The following ENAH variants were observed in gnomAD, a reference collection of about 807,000 sequenced individuals.
The protein encoded by ENAH is ENAH actin regulator.
Under a neutral mutation model 78.7 loss-of-function variants are expected in ENAH, and 23 were observed. That is an observed-to-expected ratio of 0.29 (90% CI 0.21 to 0.41). The LOEUF (loss-of-function observed/expected upper bound fraction) is 0.41, where lower values mean the gene tolerates loss of function less well. ENAH is among the 10% of genes least tolerant of loss of function. The pLI, the probability that ENAH is intolerant of heterozygous loss-of-function variation, is 1.00. For missense variants in ENAH, 544 were observed against 691.0 expected, an observed-to-expected ratio of 0.79 and a Z score of 2.39; for synonymous variants, 226 against 241.0, an observed-to-expected ratio of 0.94 and a Z score of 0.58.
At chr1:225,508,101 A>C in intron 10 of ENAH, 84 bp from the exon 11 acceptor site, 174 of 806,802 alleles carry the variant, frequency 2.2e-4, no homozygotes, top group Non-Finnish European at 2.9e-4. Flanking sequence ...ACTAAATCTC[A>C]TTATACCTGT....
rs368585167 is a variant in ENAH at position 225,594,039 on chromosome 1, A to G, written c.6-26625T>C. 4.6e-5 allele frequency among the ~76,000 whole-genome samples: 7 copies of G among 152,294 alleles called. No homozygotes were observed. In the East Asian group the frequency reaches 1.4e-3, roughly 29 times the overall value. On this transcript the variant is annotated intron_variant, in intron 1 of 13. Transcript: ENST00000366843. ...AAAAATTCCCTTTTCAATCTGCCTT[A>G]GGAAGAAGGTGAAACGAGTGTGCCT...
chr1:225,498,969 A>C (rs1450576566), intron 12 of ENAH, among the ~76,000 whole-genome samples: 1 of 152,294 alleles, frequency 6.6e-6, no homozygotes, highest in African/African-American at 2.4e-5. Flanking sequence ...ATGCTGTCCA[A>C]TACGGCAGGC....
chr1:225,494,055 A>T lies in ENAH; in HGVS notation c.*3720T>A, dbSNP rs2096236665. On this transcript the variant is annotated 3_prime_UTR_variant, in exon 14 of 14. Coordinates refer to ENST00000366843, the MANE Select transcript of ENAH (RefSeq NM_018212.6). Reference sequence around the variant, plus strand: ...ATGAAGAGAAGCAAGAACATGAGACAGGCTAGAGCAAAAAAAAAAAAAAAA... The same window carrying T: ...ATGAAGAGAAGCAAGAACATGAGACTGGCTAGAGCAAAAAAAAAAAAAAAA... 1 of 118,552 alleles carries T rather than the reference A, an allele frequency of 8.4e-6. No homozygotes were observed. The highest frequency in any genetic ancestry group is 3.6e-4 in the South Asian group (1 of 2,814). 7.3% of individuals were successfully genotyped at this position (118,552 alleles called of 1,614,324 possible).
intron 1 of ENAH, among the ~76,000 whole-genome samples, chr1:225,615,772 GC>G (rs2097026734): frequency 6.8e-6 from 1 of 147,020 alleles, no homozygotes; most frequent in African/African-American, 2.5e-5. Flanking sequence ...CTGCCCGGCC[GC>G]CCCGTCTGAG....
chr1:225,577,476 G>C lies in ENAH; in HGVS notation c.6-10062C>G, dbSNP rs192359429. Among the ~76,000 whole-genome samples, 22 of 152,336 alleles carry C rather than the reference G, an allele frequency of 1.4e-4. 1 individual carries two copies. The East Asian group carries it at 4.2e-3, about 29-fold the overall frequency. ...TTCTGCAAGGCAAGAAAACCATCTG[G>C]AATGCAGCAGCACCAAATATGCAGA... On this transcript the variant is annotated intron_variant, in intron 1 of 13. Transcript: ENST00000366843.
chr1:225,552,958 G>T (rs2096648460), intron 3 of ENAH, among the ~76,000 whole-genome samples: 1 of 152,198 alleles, frequency 6.6e-6, no homozygotes. Context: ...AAAAGGCTGT[G>T]CACGGTGGCT....
At chr1:225,623,539 C>T (rs1435002754) in intron 1 of ENAH, among the ~76,000 whole-genome samples, 2 of 151,710 alleles carry the variant, frequency 1.3e-5, no homozygotes, top group African/African-American at 4.8e-5. Context: ...GGCTTCCTGC[C>T]CCCCAAGTTG....
intron 1 of ENAH, among the ~76,000 whole-genome samples, chr1:225,615,786 G>GT (rs1471257047): frequency 2.6e-5 from 4 of 152,000 alleles, no homozygotes; most frequent in Non-Finnish European, 5.9e-5. Context: ...CGTCTGAGAA[G>GT]TGAGGAGCCC....
chr1:225,508,859 C>T (rs1424739584), intron 10 of ENAH, among the ~76,000 whole-genome samples: 1 of 152,218 alleles, frequency 6.6e-6, no homozygotes, highest in Non-Finnish European at 1.5e-5. Flanking sequence ...ACTAAAACTG[C>T]TCTGAGTTCC....
chr1:225,553,836 G>A (rs912007830), intron 3 of ENAH, among the ~76,000 whole-genome samples: 4 of 152,162 alleles, frequency 2.6e-5, no homozygotes, highest in African/African-American at 9.7e-5. Context: ...TATAAGTTAT[G>A]TATTGATATT....
At chr1:225,576,055 G>GT (rs2096786169) in intron 1 of ENAH, among the ~76,000 whole-genome samples, 1 of 152,036 alleles carries the variant, frequency 6.6e-6, no homozygotes, top group South Asian at 2.1e-4. Context: ...GCTCCCAGAG[G>GT]TTGAGAATCA....
At chr1:225,629,141 G>A (rs1043158901) in intron 1 of ENAH, among the ~76,000 whole-genome samples, 2 of 151,654 alleles carry the variant, frequency 1.3e-5, no homozygotes, top group Admixed American at 6.6e-5. Flanking sequence ...AGATGGGCGT[G>A]GTGGACAGTG....
At chr1:225,555,982 A>C (rs925073964) in intron 2 of ENAH, among the ~76,000 whole-genome samples, 2 of 152,208 alleles carry the variant, frequency 1.3e-5, no homozygotes, top group Non-Finnish European at 1.5e-5. Flanking sequence ...TACAACATGT[A>C]TTAAACGTAT....
intron 1 of ENAH, among the ~76,000 whole-genome samples, chr1:225,600,614 T>C (rs1456682905): frequency 1.3e-5 from 2 of 151,822 alleles, no homozygotes; most frequent in East Asian, 1.9e-4. Flanking sequence ...TCTGAGCACT[T>C]TGAGAAGCTG....
chr1:225,572,605 A>C (rs980178684), intron 1 of ENAH, among the ~76,000 whole-genome samples: 2 of 152,226 alleles, frequency 1.3e-5, no homozygotes, highest in African/African-American at 2.4e-5. Context: ...CACAAGAGAC[A>C]GTATTGCTGC....
intron 1 of ENAH, among the ~76,000 whole-genome samples, chr1:225,651,350 CAA>C (rs1491452304): frequency 1.3e-5 from 2 of 148,272 alleles, no homozygotes; most frequent in Non-Finnish European, 3.0e-5. Flanking sequence ...AGATATATCA[CAA>C]TATATATATA....
At chr1:225,576,314 GCTGT>G (rs1036796160) in intron 1 of ENAH, among the ~76,000 whole-genome samples, 1 of 150,086 alleles carries the variant, frequency 6.7e-6, no homozygotes, top group Non-Finnish European at 1.5e-5. Context: ...AAAAGAATCA[GCTGT>G]CTGTGACCAA....
intron 1 of ENAH, among the ~76,000 whole-genome samples, chr1:225,625,947 C>T (rs1427228151): frequency 6.6e-6 from 1 of 152,208 alleles, no homozygotes; most frequent in Non-Finnish European, 1.5e-5. Context: ...GTGCCCACCA[C>T]AGTACCTCAT....
intron 1 of ENAH, among the ~76,000 whole-genome samples, chr1:225,597,027 C>T (rs971627785): frequency 1.3e-5 from 2 of 152,104 alleles, no homozygotes; most frequent in Non-Finnish European, 2.9e-5. Flanking sequence ...ATCCCCTTCC[C>T]ACCTCTCCCC....
Sources: gnomAD v4.1 joint callset for allele counts (sites outside exome capture counted in the v4.1 genomes callset) on GRCh38, gnomAD v4.1.1 for gene constraint, MANE v1.5 for transcripts, NCBI Gene and HGNC (gene_info 2026-07-23, HGNC 2026-07-21) for gene names.